TNNI1: variants seen among roughly 807,000 people sequenced by gnomAD.
TNNI1 encodes the protein troponin I, slow skeletal muscle.
A neutral mutation model predicts 26.7 loss-of-function variants in TNNI1; 14 were observed. That is an observed-to-expected ratio of 0.52 (90% confidence interval 0.35 to 0.82). TNNI1 has a LOEUF of 0.82. TNNI1 is among the 40% of genes least tolerant of loss of function. The pLI is 0.01. For synonymous variants in TNNI1, 79 were observed against 98.2 expected, an observed-to-expected ratio of 0.80 and a Z score of 1.16; for missense variants, 164 against 257.0, an observed-to-expected ratio of 0.64 and a Z score of 2.47.
chr1:201,414,356 C>G, intron 5 of TNNI1, among the ~76,000 whole-genome samples, 162 bp downstream of exon 5: 1 of 152,246 alleles, frequency 6.6e-6, no homozygotes, highest in East Asian at 1.9e-4. Flanking sequence ...TCCCACCTCA[C>G]AGGTGGTTGT....
At chr1:201,414,042 T>G (rs1662688595) in intron 5 of TNNI1, among the ~76,000 whole-genome samples, 1 of 152,234 alleles carries the variant, frequency 6.6e-6, no homozygotes, top group Non-Finnish European at 1.5e-5. Context: ...ATAATAAAAA[T>G]TAAAATACCT....
chr1:201,417,672 C>T (rs1662773282), intron 2 of TNNI1, 111 bp downstream of exon 2: 1 of 969,246 alleles, frequency 1.0e-6, no homozygotes. Flanking sequence ...GACCTGGTCT[C>T]TTAGGGAAAA....
rs1571734392 is a variant in TNNI1, at chr1:201,410,415, A to G, written c.477T>C (p.Gly159=). ...DTEKERPVEV[G]DWRKNVEAMS... is the part of the protein sequence containing the mutation. ...TGGCCTCCACGTTCTTCCTCCAGTC[A>G]CCCACCTCCACAGGCCGCTCCTGTA... Residue 159 remains glycine, a synonymous_variant, in exon 8 of 9, where the codon GGT becomes GGC. Transcript: ENST00000361379. The G allele has an allele frequency of 6.2e-7, 1 of 1,613,866 alleles. No homozygotes were observed.
In TNNI1 at chr1:201,410,403, CT is replaced by C. The variant is rs1390962099; in HGVS notation, c.488del (p.Lys163ArgfsTer90). 1 of 1,614,102 alleles carries C rather than the reference CT, an allele frequency of 6.2e-7. No individual in the cohort carries two copies. The highest frequency in any genetic ancestry group is 1.3e-5 in the African/African-American group (1 of 74,936). ...ERPVEVGDWRKNVEAMSGMEG... is the reference protein window; with the variant it reads ...ERPVEVGDWRXNVEAMSGMEG... ...CCATGCCAGACATGGCCTCCACGTT[CT>C]TCCTCCAGTCACCCACCTCCACAGG... On this transcript the variant is annotated frameshift_variant, in exon 8 of 9. Coordinates refer to ENST00000361379, the MANE Select transcript of TNNI1 (RefSeq NM_003281.4). LOFTEE classifies it high-confidence loss of function.
At chr1:201,417,146 G>C in intron 2 of TNNI1, 27 bp from the exon 3 acceptor site, 1 of 1,613,984 alleles carries the variant, frequency 6.2e-7, no homozygotes, top group Non-Finnish European at 8.5e-7. Flanking sequence ...CAGGAAGGAC[G>C]GGGAAAGAGC....
In TNNI1 at chr1:201,417,574, C is replaced by T. The variant is rs80238176; in HGVS notation, c.11+209G>A. 3.9e-5 allele frequency among the ~76,000 whole-genome samples: 6 copies of T among 152,232 alleles called. No homozygotes were observed. In the East Asian group the frequency reaches 1.2e-3, roughly 29 times the overall value. ...TGAGGCACAAGCCAAAAAGGCACTC[C>T]CAGGGCAACCTGGGAGTGAGTTCTG... On this transcript the variant is annotated intron_variant, in intron 2 of 8. Coordinates refer to ENST00000361379, the MANE Select transcript of TNNI1 (RefSeq NM_003281.4).
chr1:201,421,554 T>C (rs1662856872), intron 1 of TNNI1, 119 bp downstream of exon 1: 1 of 152,222 alleles, frequency 6.6e-6, no homozygotes, highest in Admixed American at 6.5e-5. Flanking sequence ...ACAAACCAAC[T>C]GCACAGGCAA....
rs1215730314 is a variant in TNNI1, at chr1:201,406,216, C to T, written c.*3037G>A. On this transcript the variant is annotated 3_prime_UTR_variant, in exon 9 of 9. Transcript: ENST00000361379. ...AGCAAACCCTGTAACTTAGAGTGAG[C>T]TACTTGAACTCTCCAGGCCTCCATT... The T allele has an allele frequency of 1.3e-5, 2 of 152,360 alleles. No individual in the cohort carries two copies. Among genetic ancestry groups the T allele is most frequent in the East Asian group, 1.9e-4 (1 of 5,180 alleles). The allele number at this position is 152,360 out of a possible 1,614,324, so 9.4% of individuals were successfully genotyped here.
intron 3 of TNNI1, among the ~76,000 whole-genome samples, chr1:201,416,094 A>C (rs1232622484): frequency 6.6e-6 from 1 of 152,174 alleles, no homozygotes; most frequent in African/African-American, 2.4e-5. Context: ...GTCAAGTAGA[A>C]GTGATTAGGC....
At chr1:201,417,089 G>C (rs1662755987) in intron 3 of TNNI1, 27 bp downstream of exon 3, 1 of 1,613,916 alleles carries the variant, frequency 6.2e-7, no homozygotes, top group Non-Finnish European at 8.5e-7. Flanking sequence ...AGTTAACCAA[G>C]ACAGAGATAC....
rs531259209 is a variant in TNNI1, at chr1:201,415,156, T to C, written c.57+57A>G. The C allele has an allele frequency of 1.7e-5, 25 of 1,474,140 alleles. No individual in the cohort carries two copies. In the Admixed American group the frequency reaches 4.0e-4, roughly 24 times the overall value. The allele number at this position is 1,474,140 out of a possible 1,614,324, so 91.3% of individuals were successfully genotyped here. A position where few individuals can be genotyped will look rare whatever the true frequency, so the allele number is the denominator to read the frequency against. ...TCCTCCACATCCCTTCAGAGTCTGC[T>C]CTGCTGCCCCTCTGCCTCCCACTGG... On this transcript the variant is annotated intron_variant, in intron 4 of 8. Transcript: ENST00000361379.
In TNNI1 at chr1:201,404,315, T is replaced by C. The variant is rs1662475057; in HGVS notation, c.*4938A>G. 1 of 152,188 alleles carries C rather than the reference T, an allele frequency of 6.6e-6. No individual in the cohort carries two copies. Among genetic ancestry groups the C allele is most frequent in the African/African-American group, 2.4e-5 (1 of 41,456 alleles). 9.4% of individuals were successfully genotyped at this position (152,188 alleles called of 1,614,324 possible). On this transcript the variant is annotated 3_prime_UTR_variant, in exon 9 of 9. Transcript: ENST00000361379. ...CAGCTGGCTCGAGGTCACATCCTGA[T>C]ATTTCAGTTCTGTTCCCATTCATGT...
At chr1:201,415,752 G>T (rs1229880001) in intron 3 of TNNI1, among the ~76,000 whole-genome samples, 1 of 152,122 alleles carries the variant, frequency 6.6e-6, no homozygotes. Flanking sequence ...TAAATGAAAC[G>T]TATCTATGTA....
intron 5 of TNNI1, among the ~76,000 whole-genome samples, chr1:201,413,827 T>C (rs1431776083): frequency 6.6e-6 from 1 of 152,170 alleles, no homozygotes; most frequent in African/African-American, 2.4e-5. Flanking sequence ...CTCATTTTTT[T>C]AAACTTTGTA....
In TNNI1 at chr1:201,411,317, T is replaced by C; in HGVS notation, c.456+40A>G. The C allele has an allele frequency of 6.2e-7, 1 of 1,604,742 alleles. No individual in the cohort carries two copies. Among genetic ancestry groups the C allele is most frequent in the Non-Finnish European group, 8.5e-7 (1 of 1,176,312 alleles). On this transcript the variant is annotated intron_variant, in intron 7 of 8. Transcript: ENST00000361379. This position sits in a 1 kb window ranked among gnomAD's most constrained non-coding sequence, Gnocchi z 4.6. ...GAGGGGTTGACAAGGGGAAAGCTGG[T>C]AGGGCAGAGGGTGGAATGTTCTGAG...
At chr1:201,420,149 T>A (rs1662827974) in intron 1 of TNNI1, among the ~76,000 whole-genome samples, 1 of 152,194 alleles carries the variant, frequency 6.6e-6, no homozygotes, top group Admixed American at 6.5e-5. Flanking sequence ...GTCCCCATTG[T>A]GGGGCCCTAC....
Position 201,411,804 on chromosome 1 carries a change from G to A in TNNI1, c.280-271C>T, listed in dbSNP as rs749934940. On this transcript the variant is annotated intron_variant, in intron 6 of 8. Coordinates refer to ENST00000361379, the MANE Select transcript of TNNI1 (RefSeq NM_003281.4). This position sits in a 1 kb window ranked among gnomAD's most constrained non-coding sequence, Gnocchi z 4.6. Reference sequence around the variant, plus strand: ...CATGAGTTTGATTCTCATAAGGAGCGTGCAACCTAGATCCCTCACATGCAC... The same window carrying A: ...CATGAGTTTGATTCTCATAAGGAGCATGCAACCTAGATCCCTCACATGCAC... 3.2e-4 allele frequency among the ~76,000 whole-genome samples: 49 copies of A among 152,212 alleles called. No homozygotes were observed. Among genetic ancestry groups the A allele is most frequent in the Non-Finnish European group, 5.0e-4 (34 of 68,012 alleles).
At chr1:201,420,436 A>T (rs530076258) in intron 1 of TNNI1, among the ~76,000 whole-genome samples, 12 of 151,148 alleles carry the variant, frequency 7.9e-5, no homozygotes, top group Admixed American at 2.0e-4. Context: ...CCTCCCCCCG[A>T]GGGGGGGAGC....
At chr1:201,410,504 G>A in intron 7 of TNNI1, 69 bp from the exon 8 acceptor site, 1 of 1,378,890 alleles carries the variant, frequency 7.3e-7, no homozygotes, top group Non-Finnish European at 1.0e-6. Flanking sequence ...AGAGAAGCTG[G>A]GTGATAGGAA....
Sources: gnomAD v4.1 joint callset for allele counts (sites outside exome capture counted in the v4.1 genomes callset) on GRCh38, gnomAD v4.1.1 for gene constraint, Gnocchi (gnomAD v3.1) non-coding constraint, MANE v1.5 for transcripts, NCBI Gene and HGNC (gene_info 2026-07-23, HGNC 2026-07-21) for gene names.